The following DEFB1 variants were observed in gnomAD, a reference collection of about 807,000 sequenced individuals.
The protein encoded by DEFB1 is beta-defensin 1.
A neutral mutation model predicts 2.6 loss-of-function variants in DEFB1; 4 were observed. The observed-to-expected ratio is 1.53, with a 90% CI of 0.76 to 3.51. DEFB1 has a LOEUF of 3.51. DEFB1 is among the 30% of genes most tolerant of loss of function. The pLI is 0.01. For synonymous variants in DEFB1, 56 were observed against 28.5 expected, an observed-to-expected ratio of 1.96 and a Z score of -3.07; for missense variants, 162 against 76.9, an observed-to-expected ratio of 2.11 and a Z score of -4.14.
intron 1 of DEFB1, among the ~76,000 whole-genome samples, chr8:6,876,932 C>T (rs1806553549): frequency 1.3e-5 from 2 of 151,086 alleles, no homozygotes; most frequent in South Asian, 4.2e-4. Context: ...ACTCAGCTTT[C>T]AGATGGAAAA....
At chr8:6,876,358 C>T (rs1181003457) in intron 1 of DEFB1, among the ~76,000 whole-genome samples, 1 of 152,090 alleles carries the variant, frequency 6.6e-6, no homozygotes, top group African/African-American at 2.4e-5. Flanking sequence ...CACCTGTAAT[C>T]CCAGCTAACT....
At chr8:6,870,900 C>T in intron 1 of DEFB1, 74 bp from the exon 2 acceptor site, 1 of 1,499,892 alleles carries the variant, frequency 6.7e-7, no homozygotes, top group Non-Finnish European at 9.0e-7. Flanking sequence ...CTCGCGAAAG[C>T]AGAACAAATA....
chr8:6,871,936 G>T lies in DEFB1; in HGVS notation c.62-1110C>A, dbSNP rs187851865. Among the ~76,000 whole-genome samples the T allele has an allele frequency of 2.6e-4, 39 of 152,268 alleles. 1 individual carries two copies. The highest frequency in any genetic ancestry group is 1.5e-3 in the East Asian group (8 of 5,180). On this transcript the variant is annotated intron_variant, in intron 1 of 1. Transcript: ENST00000297439. ...TAGCCTGAGCGGACTAATACAAGAGGCCATCGCTACCCTAGGAGACAGTAC... is the reference window on the plus strand; with the variant it reads ...TAGCCTGAGCGGACTAATACAAGAGTCCATCGCTACCCTAGGAGACAGTAC...
intron 1 of DEFB1, among the ~76,000 whole-genome samples, chr8:6,873,357 G>T (rs1806392795): frequency 1.3e-5 from 2 of 152,166 alleles, no homozygotes. Context: ...TACCTTCCAG[G>T]ATCTAGTACA....
chr8:6,872,104 C>G (rs1384904419), intron 1 of DEFB1, among the ~76,000 whole-genome samples: 1 of 152,132 alleles, frequency 6.6e-6, no homozygotes, highest in Non-Finnish European at 1.5e-5. Flanking sequence ...GTCCTCAATG[C>G]CTGGTTTCTG....
In DEFB1 at chr8:6,870,895, G is replaced by T. The variant is rs1003902352; in HGVS notation, c.62-69C>A. Reference sequence around the variant, plus strand: ...CTGCAACGATTTGAGAACATCTCGCGAAAGCAGAACAAATAACTGCAAAAC... The same window carrying T: ...CTGCAACGATTTGAGAACATCTCGCTAAAGCAGAACAAATAACTGCAAAAC... On this transcript the variant is annotated intron_variant, in intron 1 of 1. Transcript: ENST00000297439. The T allele has an allele frequency of 4.6e-6, 7 of 1,513,136 alleles. No individual in the cohort carries two copies. The South Asian group carries it at 7.7e-5, about 17-fold the overall frequency. The allele number at this position is 1,513,136 out of a possible 1,614,324, so 93.7% of individuals were successfully genotyped here. A position where few individuals can be genotyped will look rare whatever the true frequency, so the allele number is the denominator to read the frequency against.
At chr8:6,875,792 C>T (rs929151559) in intron 1 of DEFB1, among the ~76,000 whole-genome samples, 2 of 152,248 alleles carry the variant, frequency 1.3e-5, no homozygotes, top group East Asian at 3.9e-4. Flanking sequence ...ATAAGGGCAC[C>T]TACTGGCCAA....
At position 6,870,671 on chromosome 8, in the gene DEFB1, C is replaced by T. The variant is rs968996416; in HGVS notation, c.*10G>A. 2.7e-5 allele frequency: 43 copies of T among 1,606,572 alleles called. No individual in the cohort carries two copies. The highest frequency in any genetic ancestry group is 3.6e-5 in the Non-Finnish European group (43 of 1,178,198). ...TCACTTCTGCGTCATTTCTTCTGGT[C>T]ACTCCCAGCTCACTTGCAGCACTTG... On this transcript the variant is annotated 3_prime_UTR_variant, in exon 2 of 2. Transcript: ENST00000297439.
intron 1 of DEFB1, 49 bp from the exon 2 acceptor site, chr8:6,870,875 A>C (rs778214087): frequency 2.6e-6 from 4 of 1,559,302 alleles, no homozygotes; most frequent in Non-Finnish European, 3.5e-6. Flanking sequence ...TGTAGCTGCA[A>C]CGATTTGAGA....
intron 1 of DEFB1, among the ~76,000 whole-genome samples, chr8:6,875,097 CA>C (rs1806476457): frequency 6.6e-6 from 1 of 151,510 alleles, no homozygotes; most frequent in African/African-American, 2.4e-5. Flanking sequence ...CACACACACA[CA>C]CACACACACA....
chr8:6,874,871 A>G (rs995042250), intron 1 of DEFB1, among the ~76,000 whole-genome samples: 1 of 151,876 alleles, frequency 6.6e-6, no homozygotes, highest in Non-Finnish European at 1.5e-5. Context: ...AATCCCAGCC[A>G]CTCGGGAGGC....
intron 1 of DEFB1, among the ~76,000 whole-genome samples, chr8:6,872,558 A>T (rs186615663): frequency 6.6e-6 from 1 of 152,252 alleles, no homozygotes; most frequent in Admixed American, 6.5e-5. Context: ...AGGGCCCGGA[A>T]ACCAGGCATT....
intron 1 of DEFB1, among the ~76,000 whole-genome samples, chr8:6,872,140 C>G (rs1192336637): frequency 6.6e-6 from 1 of 152,116 alleles, no homozygotes; most frequent in Non-Finnish European, 1.5e-5. Flanking sequence ...TCTTCATTCT[C>G]CTGTGGATGT....
chr8:6,871,983 G>A (rs1806338489), intron 1 of DEFB1, among the ~76,000 whole-genome samples: 1 of 152,216 alleles, frequency 6.6e-6, no homozygotes, highest in South Asian at 2.1e-4. Context: ...GCAGATCTCT[G>A]TTGGAAAGAT....
At chr8:6,871,594 C>T (rs1272535549) in intron 1 of DEFB1, among the ~76,000 whole-genome samples, 1 of 152,112 alleles carries the variant, frequency 6.6e-6, no homozygotes, top group Non-Finnish European at 1.5e-5. Context: ...CCTAACAGTG[C>T]CTCAGAAGGT....
chr8:6,875,474 T>C (rs1024107662), intron 1 of DEFB1, among the ~76,000 whole-genome samples: 2 of 152,134 alleles, frequency 1.3e-5, no homozygotes, highest in African/African-American at 4.8e-5. Context: ...AACAGGTATT[T>C]TACAAAAAAT....
chr8:6,872,101 A>T (rs999864844), intron 1 of DEFB1, among the ~76,000 whole-genome samples: 5 of 152,054 alleles, frequency 3.3e-5, no homozygotes, highest in Admixed American at 1.3e-4. Flanking sequence ...ATTGTCCTCA[A>T]TGCCTGGTTT....
rs142978954 is a variant in DEFB1 at position 6,875,608 on chromosome 8, T to C, written c.61+2189A>G. Among the ~76,000 whole-genome samples, 306 of 152,322 alleles carry C rather than the reference T, an allele frequency of 2.0e-3. 3 individuals carry two copies. The highest frequency in any genetic ancestry group is 4.2e-3 in the East Asian group (22 of 5,190). On this transcript the variant is annotated intron_variant, in intron 1 of 1. Transcript: ENST00000297439. ...GTGGTTAAAATTTAAAAATAATTGA[T>C]GTTATCAAATGTTGGCAAGGATACA...
chr8:6,872,951 G>A (rs1806376480), intron 1 of DEFB1, among the ~76,000 whole-genome samples: 1 of 152,198 alleles, frequency 6.6e-6, no homozygotes, highest in Admixed American at 6.5e-5. Flanking sequence ...CTCTCCAAGT[G>A]ATTATCTGTT....
Sources: gnomAD v4.1 joint callset for allele counts (sites outside exome capture counted in the v4.1 genomes callset) on GRCh38, gnomAD v4.1.1 for gene constraint, MANE v1.5 for transcripts, NCBI Gene and HGNC (gene_info 2026-07-23, HGNC 2026-07-21) for gene names.